The following DSCAM variants were observed in gnomAD, a reference collection of about 807,000 sequenced individuals.
DSCAM encodes the protein DS cell adhesion molecule.
A neutral mutation model predicts 217.7 loss-of-function variants in DSCAM; 47 were observed. The observed-to-expected ratio is 0.22, with a 90% CI of 0.17 to 0.28. The LOEUF (loss-of-function observed/expected upper bound fraction) is 0.28, where lower values mean the gene tolerates loss of function less well. Ranked by LOEUF, DSCAM falls within the 10% of genes least tolerant of loss-of-function variation. The pLI, the probability that DSCAM is intolerant of heterozygous loss-of-function variation, is 1.00. For synonymous variants in DSCAM, 1,056 were observed against 1,015.3 expected, an observed-to-expected ratio of 1.04 and a Z score of -0.76; for missense variants, 2,080 against 2,618.3, an observed-to-expected ratio of 0.79 and a Z score of 4.49.
chr21:40,378,951 A>C (rs548767570), intron 3 of DSCAM, among the ~76,000 whole-genome samples: 1 of 152,300 alleles, frequency 6.6e-6, no homozygotes, highest in South Asian at 2.1e-4. Flanking sequence ...AAGTAAATAA[A>C]TTAGGGTACA....
At chr21:40,454,077 A>G (rs1019433981) in intron 3 of DSCAM, among the ~76,000 whole-genome samples, 1 of 152,234 alleles carries the variant, frequency 6.6e-6, no homozygotes, top group Non-Finnish European at 1.5e-5. Flanking sequence ...CTGAAACAGA[A>G]AGATATATAT....
rs1244713292 is a variant in DSCAM at position 40,364,428 on chromosome 21, AC to A, written c.655+4670del. Reference sequence around the variant, plus strand: ...TCATTCTCAGCAAACTGTCGCAAGGACAAAAAACCAAACACCGCATGTTCTC... The same window carrying A: ...TCATTCTCAGCAAACTGTCGCAAGGAAAAAAACCAAACACCGCATGTTCTC... On this transcript the variant is annotated intron_variant, in intron 4 of 32. Coordinates refer to ENST00000400454, the MANE Select transcript of DSCAM (RefSeq NM_001389.5). Among the ~76,000 whole-genome samples the A allele has an allele frequency of 5.3e-5, 8 of 151,914 alleles. No individual in the cohort carries two copies. In the South Asian group the frequency reaches 1.2e-3, roughly 24 times the overall value.
intron 32 of DSCAM, among the ~76,000 whole-genome samples, chr21:40,013,765 C>T (rs1194319852): frequency 6.6e-6 from 1 of 152,200 alleles, no homozygotes; most frequent in Non-Finnish European, 1.5e-5. Context: ...ATTGGAAGTA[C>T]AGGGAGAGCA....
At chr21:40,565,278 C>T (rs1402629466) in intron 3 of DSCAM, among the ~76,000 whole-genome samples, 1 of 152,118 alleles carries the variant, frequency 6.6e-6, no homozygotes, top group African/African-American at 2.4e-5. Context: ...CACTGTAGCT[C>T]GAAGAAGACC....
intron 4 of DSCAM, among the ~76,000 whole-genome samples, chr21:40,355,517 A>G (rs2074682214): frequency 6.6e-6 from 1 of 152,218 alleles, no homozygotes; most frequent in Admixed American, 6.5e-5. Context: ...TAATCTTTGC[A>G]TGACTATGAA....
At chr21:40,407,899 C>T (rs562177196) in intron 3 of DSCAM, among the ~76,000 whole-genome samples, 3 of 152,340 alleles carry the variant, frequency 2.0e-5, no homozygotes, top group African/African-American at 2.4e-5. Flanking sequence ...CTCTTAATAA[C>T]TGGTTATAAC....
chr21:40,126,013 G>T (rs543521143), intron 19 of DSCAM, among the ~76,000 whole-genome samples: 2 of 152,270 alleles, frequency 1.3e-5, no homozygotes, highest in South Asian at 4.1e-4. Flanking sequence ...TGCTGAAGAG[G>T]AGTCAGTTGT....
At chr21:40,109,948 G>C (rs1206714738) in intron 20 of DSCAM, among the ~76,000 whole-genome samples, 1 of 152,222 alleles carries the variant, frequency 6.6e-6, no homozygotes, top group East Asian at 1.9e-4. Context: ...GCCCACCGCA[G>C]CTCAAGGAGG....
intron 1 of DSCAM, among the ~76,000 whole-genome samples, chr21:40,716,394 G>GTGTGTT (rs2090843024): frequency 6.6e-6 from 1 of 152,164 alleles, no homozygotes; most frequent in African/African-American, 2.4e-5. Context: ...GTGTGTGTGT[G>GTGTGTT]TGTGTGAAAG....
intron 8 of DSCAM, among the ~76,000 whole-genome samples, chr21:40,319,516 C>G (rs1261093960): frequency 6.6e-6 from 1 of 152,180 alleles, no homozygotes; most frequent in Non-Finnish European, 1.5e-5. Context: ...GTTTCCATGT[C>G]TTGGCTGTCG....
At chr21:40,647,602 T>C (rs1197386970) in intron 3 of DSCAM, among the ~76,000 whole-genome samples, 4 of 152,236 alleles carry the variant, frequency 2.6e-5, no homozygotes, top group Admixed American at 2.0e-4. Context: ...AAAAATTTAA[T>C]AGTGCTAGCA....
chr21:40,278,489 C>G (rs532227381), intron 10 of DSCAM, among the ~76,000 whole-genome samples: 6 of 152,104 alleles, frequency 3.9e-5, no homozygotes, highest in Non-Finnish European at 5.9e-5. Flanking sequence ...TCCCAGCACT[C>G]TCGGAGACCA....
At chr21:40,467,947 A>C (rs909861190) in intron 3 of DSCAM, among the ~76,000 whole-genome samples, 1 of 151,318 alleles carries the variant, frequency 6.6e-6, no homozygotes, top group South Asian at 2.1e-4. Flanking sequence ...AAAAAAAAAA[A>C]AAAACTACAT....
At chr21:40,094,238 G>A (rs1005881285) in intron 20 of DSCAM, among the ~76,000 whole-genome samples, 1 of 152,096 alleles carries the variant, frequency 6.6e-6, no homozygotes, top group Non-Finnish European at 1.5e-5. Context: ...TTGCACATCA[G>A]GTAATAAATG....
chr21:40,726,241 A>G (rs528799231), intron 1 of DSCAM, among the ~76,000 whole-genome samples: 11 of 152,342 alleles, frequency 7.2e-5, no homozygotes, highest in African/African-American at 2.6e-4. Context: ...CTAAGTAAAC[A>G]AAGAAGCAAG....
intron 1 of DSCAM, among the ~76,000 whole-genome samples, chr21:40,840,279 T>C (rs140816062): frequency 2.0e-5 from 3 of 152,186 alleles, no homozygotes; most frequent in African/African-American, 4.8e-5. Context: ...AACAGTAGTA[T>C]GACTTTTTAA....
chr21:40,296,224 G>C (rs779163669), intron 9 of DSCAM, 50 bp from the exon 10 acceptor site: 18 of 1,594,890 alleles, frequency 1.1e-5, no homozygotes, highest in Non-Finnish European at 1.5e-5. Context: ...CAGAAACTGA[G>C]TAAAGGTATG....
chr21:40,493,152 G>T (rs992621490), intron 3 of DSCAM, among the ~76,000 whole-genome samples: 4 of 152,114 alleles, frequency 2.6e-5, no homozygotes, highest in Non-Finnish European at 4.4e-5. Context: ...AACTTTAATT[G>T]TATACAAAAT....
At chr21:40,596,407 G>C (rs1457122883) in intron 3 of DSCAM, among the ~76,000 whole-genome samples, 3 of 152,106 alleles carry the variant, frequency 2.0e-5, no homozygotes, top group Admixed American at 6.5e-5. Context: ...TGAGCGTAAG[G>C]TGACTCAGAG....
Sources: allele counts gnomAD v4.1 joint callset (sites outside exome capture counted in the v4.1 genomes callset), GRCh38; gene constraint gnomAD v4.1.1; transcripts MANE v1.5; gene names NCBI Gene and HGNC (gene_info 2026-07-23, HGNC 2026-07-21).